Variants in RABGAP1L observed in about 807,000 individuals in gnomAD.
RABGAP1L encodes the protein RAB GTPase activating protein 1 like.
In RABGAP1L, 63 loss-of-function variants were observed where a neutral mutation model predicts 137.7. That is an observed-to-expected ratio of 0.46 (90% CI 0.37 to 0.56). The LOEUF (loss-of-function observed/expected upper bound fraction) is 0.56. Ranked by LOEUF, RABGAP1L falls within the 20% of genes least tolerant of loss-of-function variation. The pLI is 0.00. For missense variants in RABGAP1L, 1,095 were observed against 1,244.0 expected (o/e 0.88, Z 1.80); for synonymous variants, 431 against 433.7 (o/e 0.99, Z 0.08).
chr1:174,489,364 C>T (rs1371571950), intron 13 of RABGAP1L, among the ~76,000 whole-genome samples: 4 of 152,088 alleles, frequency 2.6e-5, no homozygotes, highest in Middle Eastern at 3.4e-3. Flanking sequence ...AAAAAGTGGA[C>T]GAAGGATATG....
At chr1:174,674,752 G>C (rs931144890) in intron 14 of RABGAP1L, among the ~76,000 whole-genome samples, 7 of 151,956 alleles carry the variant, frequency 4.6e-5, no homozygotes, top group Non-Finnish European at 1.0e-4. Context: ...AGCACCTGTT[G>C]TTTCCTAACT....
At chr1:174,225,331 A>G (rs1670084195) in intron 3 of RABGAP1L, among the ~76,000 whole-genome samples, 1 of 151,748 alleles carries the variant, frequency 6.6e-6, no homozygotes, top group Admixed American at 6.6e-5. Flanking sequence ...TTTATGGATT[A>G]TTTATGGAGC....
intron 17 of RABGAP1L, among the ~76,000 whole-genome samples, chr1:174,713,541 CTG>C (rs1324705023): frequency 6.6e-6 from 1 of 152,130 alleles, no homozygotes; most frequent in East Asian, 1.9e-4. Flanking sequence ...GTTTAGAAGA[CTG>C]TGGCACCTTT....
At chr1:174,535,567 A>T (rs1017976988) in intron 13 of RABGAP1L, among the ~76,000 whole-genome samples, 2 of 152,222 alleles carry the variant, frequency 1.3e-5, no homozygotes, top group African/African-American at 4.8e-5. Context: ...TGAAGTGTTC[A>T]GTTCAGTGGA....
chr1:174,968,500 G>T (rs201313047), intron 20 of RABGAP1L, among the ~76,000 whole-genome samples: 2 of 147,088 alleles, frequency 1.4e-5, no homozygotes, highest in East Asian at 2.0e-4. Context: ...TAGTGACTTG[G>T]TTTTTTTTTT....
chr1:174,914,837 C>T (rs1660596936), intron 19 of RABGAP1L, among the ~76,000 whole-genome samples: 1 of 152,092 alleles, frequency 6.6e-6, no homozygotes, highest in African/African-American at 2.4e-5. Flanking sequence ...CATCCTACCC[C>T]CCAGATCCAT....
At chr1:174,784,011 CTTTTTTTTTTTTTT>C (rs3085670) in intron 18 of RABGAP1L, among the ~76,000 whole-genome samples, 17 of 52,166 alleles carry the variant, frequency 3.3e-4, no homozygotes, top group South Asian at 1.1e-3. Flanking sequence ...TCTTCTTCTT[CTTTTTTTTTTTTTT>C]TTTTTTTTTT....
At position 174,549,754 on chromosome 1, in the gene RABGAP1L, G is replaced by A. The variant is rs565711143; in HGVS notation, c.1711-87621G>A. ...AACATTACCATTAAATAGGGGTTGA[G>A]CACTATACCAGTCTGAAACCCTTGA... On this transcript the variant is annotated intron_variant, in intron 13 of 25. Transcript: ENST00000681986. Among the ~76,000 whole-genome samples the A allele has an allele frequency of 8.5e-5, 13 of 152,300 alleles. No homozygotes were observed. The South Asian group carries it at 2.7e-3, about 32-fold the overall frequency.
intron 12 of RABGAP1L, among the ~76,000 whole-genome samples, chr1:174,383,630 G>T (rs1488490064): frequency 1.3e-5 from 2 of 152,206 alleles, no homozygotes; most frequent in African/African-American, 4.8e-5. Flanking sequence ...GTGAGGCAAT[G>T]CCTCGCCCTG....
At chr1:174,802,746 A>G (rs530557185) in intron 18 of RABGAP1L, among the ~76,000 whole-genome samples, 1 of 152,336 alleles carries the variant, frequency 6.6e-6, no homozygotes, top group East Asian at 1.9e-4. Context: ...AAGTTCTTTA[A>G]TTAGCAATAT....
intron 13 of RABGAP1L, among the ~76,000 whole-genome samples, chr1:174,450,534 C>T (rs16847018): frequency 0.082 from 12,503 of 151,990 alleles, 704 homozygotes; most frequent in East Asian, 0.32. Flanking sequence ...TTTTTAGTGC[C>T]GCTGAGAATA....
At chr1:174,286,542 T>C (rs1240159761) in intron 10 of RABGAP1L, among the ~76,000 whole-genome samples, 1 of 152,118 alleles carries the variant, frequency 6.6e-6, no homozygotes, top group Non-Finnish European at 1.5e-5. Context: ...GTTGTTTTAC[T>C]CTTCTCTATT....
At chr1:174,248,971 T>G (rs1036688924) in intron 5 of RABGAP1L, among the ~76,000 whole-genome samples, 1 of 152,166 alleles carries the variant, frequency 6.6e-6, no homozygotes, top group African/African-American at 2.4e-5. Flanking sequence ...CTGAGAGATT[T>G]GGAGAATCTT....
At chr1:174,390,342 T>C (rs1026985271) in intron 12 of RABGAP1L, among the ~76,000 whole-genome samples, 4 of 152,202 alleles carry the variant, frequency 2.6e-5, no homozygotes, top group Admixed American at 2.0e-4. Context: ...AGAAACTGAA[T>C]GTCAATTGAG....
intron 17 of RABGAP1L, among the ~76,000 whole-genome samples, chr1:174,744,233 T>C (rs759849468): frequency 1.3e-5 from 2 of 152,014 alleles, no homozygotes; most frequent in South Asian, 4.2e-4. Flanking sequence ...ACCTAAAATA[T>C]TAAACTTTCA....
chr1:174,414,003 T>A (rs1650250870), intron 13 of RABGAP1L, among the ~76,000 whole-genome samples: 1 of 152,160 alleles, frequency 6.6e-6, no homozygotes, highest in Non-Finnish European at 1.5e-5. Flanking sequence ...GCACTTAAAT[T>A]TCTCTCAACT....
intron 19 of RABGAP1L, among the ~76,000 whole-genome samples, chr1:174,939,901 A>T (rs921961918): frequency 2.6e-5 from 4 of 152,248 alleles, no homozygotes; most frequent in Admixed American, 2.6e-4. Flanking sequence ...TAACTAATTA[A>T]CAAATTCCAT....
chr1:174,870,824 A>G (rs573874518), intron 19 of RABGAP1L, among the ~76,000 whole-genome samples: 1 of 148,832 alleles, frequency 6.7e-6, no homozygotes, highest in Non-Finnish European at 1.5e-5. Context: ...TGCAAGCTCC[A>G]CCTTCCAGGC....
chr1:174,920,977 C>T (rs1335545031), intron 19 of RABGAP1L, among the ~76,000 whole-genome samples: 1 of 152,174 alleles, frequency 6.6e-6, no homozygotes, highest in Non-Finnish European at 1.5e-5. Flanking sequence ...GGCTGGAGTA[C>T]AGTGGAGCGA....
Sources: allele counts gnomAD v4.1 joint callset (sites outside exome capture counted in the v4.1 genomes callset), GRCh38; gene constraint gnomAD v4.1.1; transcripts MANE v1.5; gene names NCBI Gene and HGNC (gene_info 2026-07-23, HGNC 2026-07-21).